ANO6: variants seen among roughly 807,000 people sequenced by gnomAD.
ANO6 encodes anoctamin-6.
In ANO6, 106 loss-of-function variants were observed where a neutral mutation model predicts 117.5. That is an observed-to-expected ratio of 0.90 (90% CI 0.77 to 1.06). ANO6 has a LOEUF of 1.06. Among genes scored for constraint, ANO6 ranks in the 50% least tolerant of loss-of-function variants. The pLI is 0.00. For synonymous variants in ANO6, 367 were observed against 385.1 expected, an observed-to-expected ratio of 0.95 and a Z score of 0.55; for missense variants, 955 against 1,121.1, an observed-to-expected ratio of 0.85 and a Z score of 2.12.
At chr12:45,315,605 T>C (rs1009554566) in intron 2 of ANO6, among the ~76,000 whole-genome samples, 1 of 152,068 alleles carries the variant, frequency 6.6e-6, no homozygotes, top group Non-Finnish European at 1.5e-5. Context: ...TCACACTCAC[T>C]TCCTCAGCTT....
At chr12:45,237,578 T>A (rs1388510536) in intron 1 of ANO6, among the ~76,000 whole-genome samples, 1 of 152,192 alleles carries the variant, frequency 6.6e-6, no homozygotes, top group Non-Finnish European at 1.5e-5. Context: ...GTTCCATTGG[T>A]CTATATCTCT....
At chr12:45,273,471 T>G (rs1311678783) in intron 1 of ANO6, among the ~76,000 whole-genome samples, 1 of 152,258 alleles carries the variant, frequency 6.6e-6, no homozygotes, top group Non-Finnish European at 1.5e-5. Context: ...TCTTTTCGTT[T>G]GATTCCTAGG....
intron 1 of ANO6, among the ~76,000 whole-genome samples, chr12:45,291,346 C>CAAAAA (rs747924513): frequency 1.9e-4 from 9 of 48,152 alleles, no homozygotes; most frequent in Middle Eastern, 0.013. Flanking sequence ...AACTCCGTCT[C>CAAAAA]AAAAAAAAAA....
intron 1 of ANO6, among the ~76,000 whole-genome samples, chr12:45,239,138 C>G (rs1320574950): frequency 6.6e-6 from 1 of 152,168 alleles, no homozygotes; most frequent in Non-Finnish European, 1.5e-5. Flanking sequence ...CTTTATACTT[C>G]TGGTAGAATT....
chr12:45,427,403 T>C (rs1943529020), intron 19 of ANO6, among the ~76,000 whole-genome samples: 1 of 152,124 alleles, frequency 6.6e-6, no homozygotes, highest in Admixed American at 6.5e-5. Context: ...ATTCTGAGGC[T>C]CCTCCAAACC....
chr12:45,272,215 G>C (rs1376034232), intron 1 of ANO6, among the ~76,000 whole-genome samples: 1 of 145,516 alleles, frequency 6.9e-6, no homozygotes, highest in East Asian at 2.0e-4. Flanking sequence ...TTTTTTTGCT[G>C]CTATGTAGGT....
intron 1 of ANO6, among the ~76,000 whole-genome samples, chr12:45,257,030 T>TG (rs1937858299): frequency 6.6e-6 from 1 of 152,042 alleles, no homozygotes. Context: ...TAAAATCAAC[T>TG]GAGAGACCTT....
rs750210154 is a variant in ANO6, at chr12:45,416,764, G to A, written c.2077G>A (p.Val693Met). 2.0e-5 allele frequency: 32 copies of A among 1,613,866 alleles called. No individual in the cohort carries two copies. Among genetic ancestry groups the A allele is most frequent in the South Asian group, 1.5e-4 (14 of 91,078 alleles). The change falls in exon 17 of 20, where the codon GTG becomes ATG. Residue 693 changes from valine (V) to methionine (M), a missense_variant. By Grantham distance (21) the Val-to-Met change is conservative. Coordinates refer to ENST00000320560, the MANE Select transcript of ANO6 (RefSeq NM_001025356.3). ...TCCACTGGCCCCTCTGTTGGCTCTCGTGAACAATATATTGGAAATAAGAGT... is the reference window on the plus strand; with the variant it reads ...TCCACTGGCCCCTCTGTTGGCTCTCATGAACAATATATTGGAAATAAGAGT... ...SFPLAPLLAL[V>M]NNILEIRVDA...
At chr12:45,432,443 A>G (rs558585112), downstream of ANO6, 9 of 408,662 alleles carry the variant, frequency 2.2e-5, no homozygotes, top group African/African-American at 1.8e-4. Context: ...ACTTAGATAA[A>G]TGTGTGCTTT....
chr12:45,396,026 C>T (rs555865830), intron 12 of ANO6, among the ~76,000 whole-genome samples: 1 of 152,220 alleles, frequency 6.6e-6, no homozygotes, highest in African/African-American at 2.4e-5. Context: ...AAAGGGTATT[C>T]AATTAGGAAA....
chr12:45,357,559 G>T, intron 8 of ANO6, 135 bp downstream of exon 8: 3 of 1,178,344 alleles, frequency 2.5e-6, no homozygotes, highest in South Asian at 1.4e-5. Context: ...TATCCCTTTT[G>T]TTCTGAGCAC....
intron 1 of ANO6, among the ~76,000 whole-genome samples, chr12:45,223,984 G>A (rs1947443783): frequency 6.6e-6 from 1 of 152,124 alleles, no homozygotes; most frequent in Non-Finnish European, 1.5e-5. Flanking sequence ...GTGGCACTTT[G>A]AGATACCCCC....
chr12:45,254,876 G>T (rs1937755860), intron 1 of ANO6, among the ~76,000 whole-genome samples: 1 of 151,988 alleles, frequency 6.6e-6, no homozygotes, highest in African/African-American at 2.4e-5. Flanking sequence ...TTGTTTAATT[G>T]TATACTTTTA....
At chr12:45,360,159 T>G (rs2137483612) in intron 8 of ANO6, among the ~76,000 whole-genome samples, 1 of 152,358 alleles carries the variant, frequency 6.6e-6, no homozygotes, top group South Asian at 2.1e-4. Context: ...GATAGAAGTC[T>G]CTTATTGGAT....
At chr12:45,394,079 G>C (rs967653196) in intron 12 of ANO6, among the ~76,000 whole-genome samples, 8 of 152,188 alleles carry the variant, frequency 5.3e-5, no homozygotes, top group Non-Finnish European at 7.3e-5. Flanking sequence ...AGACCCATCA[G>C]TGTGCTGAAT....
chr12:45,409,449 T>G lies in ANO6; in HGVS notation c.1973T>G (p.Met658Arg). The stretch of plus-strand genomic sequence containing the variant: ...GAACAGGACTACCATCTGCAGCCTA[T>G]GGGCAAACTGGGATTATTTTATGAA... The part of the protein sequence containing the change: ...RWEQDYHLQP[M>R]GKLGLFYEYL... The change falls in exon 16 of 20, where the codon ATG becomes AGG. Residue 658 changes from methionine to arginine, a missense_variant. Transcript: ENST00000320560. The G allele has an allele frequency of 6.2e-7, 1 of 1,614,038 alleles. No homozygotes were observed. Among genetic ancestry groups the G allele is most frequent in the African/African-American group, 1.3e-5 (1 of 75,056 alleles).
At chr12:45,432,736 A>G (rs77455374), downstream of ANO6, among the ~76,000 whole-genome samples, 451 of 152,312 alleles carry the variant, frequency 3.0e-3, 7 homozygotes, top group South Asian at 0.039. Context: ...TATATGACCA[A>G]TAGTGACCGA....
At chr12:45,329,109 T>C (rs1353509031) in intron 2 of ANO6, among the ~76,000 whole-genome samples, 3 of 152,174 alleles carry the variant, frequency 2.0e-5, no homozygotes, top group African/African-American at 7.2e-5. Context: ...CCCTTACACA[T>C]GAACAAGAAT....
chr12:45,439,842 T>A, exon 20 of ANO6: 1 of 1,538,660 alleles, frequency 6.5e-7, no homozygotes, highest in Non-Finnish European at 8.8e-7. Flanking sequence ...TATTTTCTAT[T>A]TCAATAATAT....
Sources: gnomAD v4.1 joint callset for allele counts (sites outside exome capture counted in the v4.1 genomes callset) on GRCh38, gnomAD v4.1.1 for gene constraint, MANE v1.5 for transcripts, NCBI Gene and HGNC (gene_info 2026-07-23, HGNC 2026-07-21) for gene names.